Variants in CLASP2 observed in about 807,000 individuals in gnomAD.
CLASP2 encodes CLIP-associating protein 2.
CLASP2 carries 47 observed loss-of-function variants against 194.4 expected under a neutral mutation model. The ratio of observed to expected loss-of-function variants is 0.24; its 90% CI spans 0.19 to 0.31. CLASP2 has a LOEUF of 0.31. Among genes scored for constraint, CLASP2 ranks in the 10% least tolerant of loss-of-function variants. CLASP2 has a pLI of 1.00. For synonymous variants in CLASP2, 619 were observed against 633.5 expected, an observed-to-expected ratio of 0.98 and a Z score of 0.34; for missense variants, 1,445 against 1,823.6, an observed-to-expected ratio of 0.79 and a Z score of 3.78.
rs1429228686 is a variant in CLASP2, at chr3:33,586,774, G to GT, written c.2069-1855_2069-1854insA. ...TGGGCACTACTTCTACCCAGTAAGA[G>GT]GGCTGTATGATTATATGTTATACAG... On this transcript the variant is annotated intron_variant, in intron 21 of 38. Transcript: ENST00000682230. Among the ~76,000 whole-genome samples the GT allele has an allele frequency of 3.3e-5, 5 of 152,106 alleles. No individual in the cohort carries two copies. In the East Asian group the frequency reaches 9.7e-4, roughly 29 times the overall value.
At chr3:33,608,744 CTTTTTTTTTT>C (rs766687478) in intron 13 of CLASP2, 118 bp from the exon 14 acceptor site, 9 of 159,060 alleles carry the variant, frequency 5.7e-5, no homozygotes, top group South Asian at 1.2e-4. Flanking sequence ...TTTTAGATAT[CTTTTTTTTTT>C]TTTTTTTTTT....
At chr3:33,549,598 A>T (rs2059672193) in intron 30 of CLASP2, among the ~76,000 whole-genome samples, 1 of 152,088 alleles carries the variant, frequency 6.6e-6, no homozygotes, top group African/African-American at 2.4e-5. Context: ...TATTCATTCT[A>T]TCATTTTAAT....
intron 23 of CLASP2, among the ~76,000 whole-genome samples, chr3:33,576,916 T>A (rs79824256): frequency 3.3e-5 from 5 of 151,332 alleles, no homozygotes; most frequent in Admixed American, 6.6e-5. Context: ...TTTTTTTTTT[T>A]AAACATATAT....
chr3:33,644,715 G>C, intron 8 of CLASP2, 42 bp downstream of exon 8: 1 of 1,605,712 alleles, frequency 6.2e-7, no homozygotes, highest in African/African-American at 1.3e-5. Context: ...CATATCAAGG[G>C]CATGGAGCAT....
chr3:33,499,494 C>T lies in CLASP2; in HGVS notation c.4435-777G>A, dbSNP rs778690108. Among the ~76,000 whole-genome samples, 3 of 151,838 alleles carry T rather than the reference C, an allele frequency of 2.0e-5. No homozygotes were observed. The South Asian group carries it at 6.2e-4, about 32-fold the overall frequency. Reference sequence around the variant, plus strand: ...CCTCCCAAGTAGCTGGGACTACAGGCGCCTGTCACCATGCCTGGCTAATTT... The same window carrying T: ...CCTCCCAAGTAGCTGGGACTACAGGTGCCTGTCACCATGCCTGGCTAATTT... On this transcript the variant is annotated intron_variant, in intron 38 of 38. Coordinates refer to ENST00000682230, the MANE Select transcript of CLASP2 (RefSeq NM_001365631.1).
At position 33,590,036 on chromosome 3, in the gene CLASP2, C is replaced by A. The variant is rs187654225; in HGVS notation, c.2068+2359G>T. 2.0e-5 allele frequency among the ~76,000 whole-genome samples: 3 copies of A among 152,124 alleles called. No homozygotes were observed. The East Asian group carries it at 5.8e-4, about 29-fold the overall frequency. On this transcript the variant is annotated intron_variant, in intron 21 of 38. Transcript: ENST00000682230. The stretch of plus-strand genomic sequence containing the variant: ...AAGTACACAAAAGCAGTCTAAAATT[C>A]AGTTGACATTTGATTAAAAATAATA...
chr3:33,661,938 G>C (rs537419142), intron 7 of CLASP2, among the ~76,000 whole-genome samples: 1 of 152,236 alleles, frequency 6.6e-6, no homozygotes, highest in African/African-American at 2.4e-5. Context: ...GAATTTTTCA[G>C]TGACAGCATA....
At chr3:33,705,585 T>G (rs560383062) in intron 1 of CLASP2, among the ~76,000 whole-genome samples, 27 of 152,258 alleles carry the variant, frequency 1.8e-4, no homozygotes, top group African/African-American at 6.5e-4. Context: ...AAATCCAAAA[T>G]AGACTCAATT....
chr3:33,537,557 T>C (rs528652237), intron 33 of CLASP2, among the ~76,000 whole-genome samples: 2 of 152,172 alleles, frequency 1.3e-5, no homozygotes, highest in African/African-American at 4.8e-5. Flanking sequence ...AAAAAACTAT[T>C]CTGTGTATAA....
intron 13 of CLASP2, among the ~76,000 whole-genome samples, chr3:33,611,152 A>T (rs1232945861): frequency 1.3e-5 from 2 of 152,186 alleles, no homozygotes; most frequent in African/African-American, 4.8e-5. Context: ...AAGACTCCAA[A>T]AAAACACAAC....
intron 6 of CLASP2, among the ~76,000 whole-genome samples, chr3:33,667,405 T>TAAAAAAAAAAAAAA (rs2086374074): frequency 2.7e-5 from 1 of 37,544 alleles, no homozygotes. Flanking sequence ...TGAGACTATC[T>TAAAAAAAAAAAAAA]CAAAAAAAAA....
intron 5 of CLASP2, among the ~76,000 whole-genome samples, chr3:33,686,474 T>A (rs2154346157): frequency 6.6e-6 from 1 of 152,200 alleles, no homozygotes; most frequent in South Asian, 2.1e-4. Context: ...TGCGAGGGGA[T>A]CTAGGTCGCA....
In CLASP2 at chr3:33,619,594, C is replaced by A. The variant is rs180761001; in HGVS notation, c.1317+9G>T. ...GAGGCAGCAGTAGAAAACGAGAGAG[C>A]AAACCTACCCGAATGATAAATCTGA... On this transcript the variant is annotated intron_variant, in intron 12 of 38. Transcript: ENST00000682230. 7.2e-5 allele frequency: 111 copies of A among 1,543,900 alleles called. No individual in the cohort carries two copies. Among genetic ancestry groups the A allele is most frequent in the Non-Finnish European group, 9.2e-5 (105 of 1,143,932 alleles).
chr3:33,527,615 T>C (rs2054936593), intron 34 of CLASP2, among the ~76,000 whole-genome samples: 1 of 152,188 alleles, frequency 6.6e-6, no homozygotes, highest in Non-Finnish European at 1.5e-5. Context: ...ACAACTCATT[T>C]TGAGGCCAGC....
chr3:33,683,363 C>G (rs999264090), intron 6 of CLASP2: 2 of 152,138 alleles, frequency 1.3e-5, no homozygotes, highest in Non-Finnish European at 2.9e-5. Context: ...GCCCATAATT[C>G]CAGGGAGACT....
At chr3:33,631,723 G>A (rs958606459) in intron 9 of CLASP2, among the ~76,000 whole-genome samples, 3 of 150,632 alleles carry the variant, frequency 2.0e-5, no homozygotes, top group Admixed American at 6.7e-5. Flanking sequence ...ATTCATTGCA[G>A]CATGATATGG....
At chr3:33,530,551 T>C (rs1056127934) in intron 34 of CLASP2, among the ~76,000 whole-genome samples, 4 of 152,242 alleles carry the variant, frequency 2.6e-5, no homozygotes, top group African/African-American at 9.6e-5. Flanking sequence ...TTTCACATAA[T>C]TGTATGTGCT....
intron 21 of CLASP2, 129 bp from the exon 22 acceptor site, chr3:33,585,049 G>A: frequency 4.4e-6 from 3 of 676,204 alleles, no homozygotes; most frequent in South Asian, 3.2e-5. Flanking sequence ...TACGCTCAAA[G>A]GAAATAGACC....
chr3:33,618,911 C>CG (rs1559406532), intron 12 of CLASP2, among the ~76,000 whole-genome samples: 1 of 152,106 alleles, frequency 6.6e-6, no homozygotes, highest in Non-Finnish European at 1.5e-5. Context: ...GATGGGGATA[C>CG]GTTCTGAGAA....
Sources: allele counts gnomAD v4.1 joint callset (sites outside exome capture counted in the v4.1 genomes callset), GRCh38; gene constraint gnomAD v4.1.1; transcripts MANE v1.5; gene names NCBI Gene and HGNC (gene_info 2026-07-23, HGNC 2026-07-21).